The following H2AZ2 variants were observed in gnomAD, a reference collection of about 807,000 sequenced individuals.
H2AZ2 encodes histone H2A.V.
H2AZ2 carries 5 observed loss-of-function variants against 15.5 expected under a neutral mutation model. That is an observed-to-expected ratio of 0.32 (90% CI 0.17 to 0.68). The LOEUF is 0.68. Ranked by LOEUF, H2AZ2 falls within the 30% of genes least tolerant of loss-of-function variation. The pLI is 0.72. For missense variants in H2AZ2, 42 were observed against 162.5 expected, an observed-to-expected ratio of 0.26 and a Z score of 4.03; for synonymous variants, 44 against 57.4, an observed-to-expected ratio of 0.77 and a Z score of 1.05.
At chr7:44,835,763 G>T in intron 3 of H2AZ2, 105 bp from the exon 4 acceptor site, 1 of 951,198 alleles carries the variant, frequency 1.1e-6, no homozygotes, top group Non-Finnish European at 1.5e-6. Flanking sequence ...TACATAAACT[G>T]ATAATATATT....
chr7:44,846,342 G>A (rs1300880602), intron 1 of H2AZ2, among the ~76,000 whole-genome samples: 21 of 152,126 alleles, frequency 1.4e-4, no homozygotes, highest in Non-Finnish European at 1.5e-5. Context: ...AATTGGCCGT[G>A]CGCGGTGGCT....
chr7:44,840,725 T>C (rs1388233335), intron 3 of H2AZ2, among the ~76,000 whole-genome samples, 174 bp downstream of exon 3: 1 of 152,194 alleles, frequency 6.6e-6, no homozygotes, highest in East Asian at 1.9e-4. Context: ...GAGCCGAGAC[T>C]GGCCATTGCA....
intron 1 of H2AZ2, 48 bp downstream of exon 1, chr7:44,847,921 C>G (rs764440140): frequency 2.0e-6 from 3 of 1,532,070 alleles, no homozygotes; most frequent in Non-Finnish European, 2.6e-6. Context: ...GGCCTCCGCG[C>G]TCTGCTCTCC....
chr7:44,841,210 A>G (rs1793267923), intron 2 of H2AZ2, among the ~76,000 whole-genome samples, 198 bp from the exon 3 acceptor site: 1 of 152,220 alleles, frequency 6.6e-6, no homozygotes, highest in South Asian at 2.1e-4. Context: ...TAACCTCTGC[A>G]TAATATGGGA....
chr7:44,837,701 C>CA, intron 3 of H2AZ2, among the ~76,000 whole-genome samples: 1 of 151,702 alleles, frequency 6.6e-6, no homozygotes, highest in Non-Finnish European at 1.5e-5. Flanking sequence ...CCATGTTGTC[C>CA]AGGCTGGTCT....
chr7:44,836,761 C>A (rs925137641), intron 3 of H2AZ2, among the ~76,000 whole-genome samples: 1 of 151,952 alleles, frequency 6.6e-6, no homozygotes, highest in Non-Finnish European at 1.5e-5. Context: ...ATTTGGGAGG[C>A]CGAGAGGGGT....
downstream of H2AZ2, chr7:44,830,285 G>T: frequency 1.1e-6 from 1 of 932,524 alleles, no homozygotes; most frequent in Non-Finnish European, 1.6e-6. Context: ...AGATATAGGT[G>T]GTGAGTATAA....
chr7:44,843,856 C>A (rs1000683632), intron 1 of H2AZ2, among the ~76,000 whole-genome samples: 4 of 152,102 alleles, frequency 2.6e-5, no homozygotes, highest in Non-Finnish European at 2.9e-5. Context: ...CAGTGCCAGG[C>A]TGAAAAATAT....
Position 44,847,957 on chromosome 7 carries a change from G to A in H2AZ2, c.3+12C>T, listed in dbSNP as rs1793457208. On this transcript the variant is annotated intron_variant, in intron 1 of 4. Transcript: ENST00000308153. The stretch of plus-strand genomic sequence containing the variant: ...CAGGCCCCGTGCCCCCGGCCCACCC[G>A]GCCGCCCTTACCATGTTCTCGGCGC... 13 of 1,496,386 alleles carry A rather than the reference G, an allele frequency of 8.7e-6. No homozygotes were observed. The highest frequency in any genetic ancestry group is 1.5e-5 in the African/African-American group (1 of 68,794). The allele number at this position is 1,496,386 out of a possible 1,614,324, so 92.7% of individuals were successfully genotyped here.
intron 1 of H2AZ2, among the ~76,000 whole-genome samples, chr7:44,847,519 G>A (rs1793441004): frequency 6.6e-6 from 1 of 152,094 alleles, no homozygotes; most frequent in Admixed American, 6.6e-5. Context: ...GCACCCTTTC[G>A]CAGAAACCCT....
downstream of H2AZ2, chr7:44,829,855 A>G: frequency 3.4e-6 from 1 of 297,518 alleles, no homozygotes; most frequent in Non-Finnish European, 6.3e-6. Flanking sequence ...GTGGACCAAC[A>G]CTGCAGCAAC....
In H2AZ2 at chr7:44,832,280, T is replaced by C. The variant is rs1002842560; in HGVS notation, c.*2221A>G. ...AAAATGTTTTAGCAGTCTTACACAA[T>C]GGTATTGTGGTTATGTTCAAAAAAG... On this transcript the variant is annotated 3_prime_UTR_variant, in exon 5 of 5. Transcript: ENST00000308153. 2.0e-5 allele frequency among the ~76,000 whole-genome samples: 3 copies of C among 152,144 alleles called. No individual in the cohort carries two copies. Among genetic ancestry groups the C allele is most frequent in the African/African-American group, 7.2e-5 (3 of 41,432 alleles).
At position 44,832,711 on chromosome 7, in the gene H2AZ2, G is replaced by A. The variant is rs1793021218; in HGVS notation, c.*1790C>T. ...TGCCTATAATCCCAGTACTTTGGGA[G>A]GCCAAGGTGGGAGGATGGCTTGAGC... On this transcript the variant is annotated 3_prime_UTR_variant, in exon 5 of 5. Coordinates refer to ENST00000308153, the MANE Select transcript of H2AZ2 (RefSeq NM_012412.5). Among the ~76,000 whole-genome samples, 2 of 152,194 alleles carry A rather than the reference G, an allele frequency of 1.3e-5. No individual in the cohort carries two copies. Among genetic ancestry groups the A allele is most frequent in the South Asian group, 2.1e-4 (1 of 4,828 alleles).
At chr7:44,841,754 C>T (rs987872111) in intron 2 of H2AZ2, among the ~76,000 whole-genome samples, 3 of 152,204 alleles carry the variant, frequency 2.0e-5, no homozygotes, top group Non-Finnish European at 4.4e-5. Context: ...CAGGCATGAG[C>T]CACTGTGCCC....
rs967251607 is a variant in H2AZ2 at position 44,832,717 on chromosome 7, G to A, written c.*1784C>T. Among the ~76,000 whole-genome samples, 2 of 152,180 alleles carry A rather than the reference G, an allele frequency of 1.3e-5. No homozygotes were observed. The highest frequency in any genetic ancestry group is 4.8e-5 in the African/African-American group (2 of 41,442). ...TAATCCCAGTACTTTGGGAGGCCAA[G>A]GTGGGAGGATGGCTTGAGCCAGGAG... On this transcript the variant is annotated 3_prime_UTR_variant, in exon 5 of 5. Transcript: ENST00000308153.
At chr7:44,831,618 T>G (rs1793001861), downstream of H2AZ2, among the ~76,000 whole-genome samples, 1 of 147,552 alleles carries the variant, frequency 6.8e-6, no homozygotes, top group Non-Finnish European at 1.5e-5. Context: ...AACTTCAAAA[T>G]GGGCGCCTAT....
chr7:44,832,455 T>C lies in H2AZ2; in HGVS notation c.*2046A>G, dbSNP rs1793015433. Among the ~76,000 whole-genome samples the C allele has an allele frequency of 1.3e-5, 2 of 152,064 alleles. No homozygotes were observed. Among genetic ancestry groups the C allele is most frequent in the South Asian group, 2.1e-4 (1 of 4,826 alleles). Reference sequence around the variant, plus strand: ...AACAAGACTGACCACAGGACAGCTGTTGGAGGATGGGTACACAGAGCTTCA... The same window carrying C: ...AACAAGACTGACCACAGGACAGCTGCTGGAGGATGGGTACACAGAGCTTCA... On this transcript the variant is annotated 3_prime_UTR_variant, in exon 5 of 5. Coordinates refer to ENST00000308153, the MANE Select transcript of H2AZ2 (RefSeq NM_012412.5).
At chr7:44,841,739 G>A (rs574134992) in intron 2 of H2AZ2, among the ~76,000 whole-genome samples, 1 of 152,208 alleles carries the variant, frequency 6.6e-6, no homozygotes, top group East Asian at 1.9e-4. Flanking sequence ...AAAGTGCTGG[G>A]ATTACAGGCA....
chr7:44,845,571 TAAG>T (rs1406052842), intron 1 of H2AZ2, among the ~76,000 whole-genome samples: 2 of 151,984 alleles, frequency 1.3e-5, no homozygotes, highest in African/African-American at 4.8e-5. Context: ...TTGGAAAAAA[TAAG>T]AAGTAGTCAC....
Sources: gnomAD v4.1 joint callset for allele counts (sites outside exome capture counted in the v4.1 genomes callset) on GRCh38, gnomAD v4.1.1 for gene constraint, MANE v1.5 for transcripts, NCBI Gene and HGNC (gene_info 2026-07-23, HGNC 2026-07-21) for gene names.